RAPGEF5: variants seen among roughly 807,000 people sequenced by gnomAD.
RAPGEF5 encodes the protein Rap guanine nucleotide exchange factor 5, also known as M-Ras-regulated GEF.
In RAPGEF5, 65 loss-of-function variants were observed where a neutral mutation model predicts 125.2. That is an observed-to-expected ratio of 0.52 (90% CI 0.43 to 0.64). The LOEUF (loss-of-function observed/expected upper bound fraction) is 0.64, where lower values mean the gene tolerates loss of function less well. Ranked by LOEUF, RAPGEF5 falls within the 30% of genes least tolerant of loss-of-function variation. RAPGEF5 has a pLI of 0.00. For missense variants in RAPGEF5, 958 were observed against 1,048.1 expected (o/e 0.91, Z 1.19); for synonymous variants, 391 against 385.9 (o/e 1.01, Z -0.16).
intron 8 of RAPGEF5, among the ~76,000 whole-genome samples, chr7:22,224,735 C>T (rs752655348): frequency 1.8e-4 from 27 of 152,030 alleles, no homozygotes; most frequent in Non-Finnish European, 3.8e-4. Context: ...CTCCTTTCAC[C>T]GGCACTGGCT....
intron 4 of RAPGEF5, among the ~76,000 whole-genome samples, chr7:22,308,808 T>C (rs1783404768): frequency 6.6e-6 from 1 of 152,158 alleles, no homozygotes; most frequent in African/African-American, 2.4e-5. Flanking sequence ...AGAAATCTTT[T>C]TTAGTGACCC....
rs563156556 is a variant in RAPGEF5, at chr7:22,217,967, CT to C, written c.996+1898del. 6.9e-3 allele frequency among the ~76,000 whole-genome samples: 1,021 copies of C among 148,938 alleles called. 8 individuals are homozygous for C. The highest frequency in any genetic ancestry group is 0.02 in the African/African-American group (805 of 40,660). ...CAATTATCAGCCCCAATGTAGATTT[CT>C]TTTTTTTTTAATTATACTTTAAGTT... On this transcript the variant is annotated intron_variant, in intron 9 of 25. Transcript: ENST00000665637.
At chr7:22,209,983 CA>C (rs1276978840) in intron 9 of RAPGEF5, among the ~76,000 whole-genome samples, 2 of 152,260 alleles carry the variant, frequency 1.3e-5, no homozygotes, top group South Asian at 4.1e-4. Context: ...AATGCACTTC[CA>C]AAAGAACTAA....
chr7:22,288,540 T>A (rs74600555), intron 6 of RAPGEF5, among the ~76,000 whole-genome samples: 4 of 129,976 alleles, frequency 3.1e-5, no homozygotes, highest in African/African-American at 1.2e-4. Context: ...TTTTTTTTTT[T>A]GAGACGGAGT....
At chr7:22,278,805 C>T (rs2128144232) in intron 6 of RAPGEF5, among the ~76,000 whole-genome samples, 1 of 151,282 alleles carries the variant, frequency 6.6e-6, no homozygotes, top group South Asian at 2.1e-4. Context: ...ACACACACTT[C>T]CATAGAACTT....
chr7:22,154,678 A>G (rs1783744205), intron 16 of RAPGEF5, 74 bp from the exon 17 acceptor site: 1 of 1,506,162 alleles, frequency 6.6e-7, no homozygotes, highest in Non-Finnish European at 9.0e-7. Flanking sequence ...AAATCAAGGC[A>G]CCTTGATCAA....
intron 11 of RAPGEF5, among the ~76,000 whole-genome samples, chr7:22,170,409 G>A (rs753361766): frequency 6.6e-6 from 1 of 152,194 alleles, no homozygotes; most frequent in Non-Finnish European, 1.5e-5. Context: ...GTAGATAGGA[G>A]CCACCAGTGC....
At chr7:22,179,133 A>T (rs905460017) in intron 11 of RAPGEF5, among the ~76,000 whole-genome samples, 1 of 152,200 alleles carries the variant, frequency 6.6e-6, no homozygotes, top group African/African-American at 2.4e-5. Flanking sequence ...ATTTCTTATT[A>T]TGTCACAATA....
At chr7:22,328,756 A>G (rs76499739) in intron 1 of RAPGEF5, among the ~76,000 whole-genome samples, 8,687 of 152,256 alleles carry the variant, frequency 0.057, 310 homozygotes, top group Middle Eastern at 0.11. Flanking sequence ...CCTCCCACCA[A>G]TGACTTATCA....
intron 7 of RAPGEF5, among the ~76,000 whole-genome samples, chr7:22,265,563 G>C (rs765232594): frequency 4.1e-4 from 62 of 152,094 alleles, no homozygotes; most frequent in Non-Finnish European, 8.5e-4. Context: ...AATAAATATG[G>C]GAGTGCAGAT....
intron 23 of RAPGEF5, among the ~76,000 whole-genome samples, chr7:22,133,777 T>C (rs1440164016): frequency 6.6e-6 from 1 of 152,198 alleles, no homozygotes; most frequent in East Asian, 1.9e-4. Context: ...TCCCCAGCAC[T>C]TAGTGTTTCC....
intron 7 of RAPGEF5, 46 bp downstream of exon 7, chr7:22,266,918 C>T (rs1226295228): frequency 3.9e-6 from 6 of 1,549,994 alleles, no homozygotes; most frequent in Non-Finnish European, 4.5e-6. Flanking sequence ...GTGAAATACC[C>T]CCAAAGAATT....
chr7:22,267,252 A>G (rs958933612), intron 6 of RAPGEF5, among the ~76,000 whole-genome samples: 9 of 152,196 alleles, frequency 5.9e-5, no homozygotes, highest in Admixed American at 1.3e-4. Context: ...GCCAGAATGT[A>G]TACATTGTAA....
At chr7:22,355,502 T>C (rs1355961935) in intron 1 of RAPGEF5, among the ~76,000 whole-genome samples, 1 of 152,166 alleles carries the variant, frequency 6.6e-6, no homozygotes, top group Non-Finnish European at 1.5e-5. Flanking sequence ...CGACACCACA[T>C]CTTGGGGACA....
At chr7:22,286,182 G>A (rs977141092) in intron 6 of RAPGEF5, among the ~76,000 whole-genome samples, 1 of 152,118 alleles carries the variant, frequency 6.6e-6, no homozygotes, top group Admixed American at 6.5e-5. Flanking sequence ...CACCACCACC[G>A]GGTTAATGTT....
intron 6 of RAPGEF5, among the ~76,000 whole-genome samples, chr7:22,268,663 A>T (rs1008722260): frequency 1.3e-5 from 2 of 152,318 alleles, no homozygotes; most frequent in East Asian, 3.9e-4. Flanking sequence ...TGTGGCACAC[A>T]CACAGGGAGA....
intron 7 of RAPGEF5, among the ~76,000 whole-genome samples, chr7:22,237,192 C>T (rs1031720811): frequency 6.6e-6 from 1 of 152,184 alleles, no homozygotes; most frequent in Non-Finnish European, 1.5e-5. Context: ...TTCCTCCTAG[C>T]CCAACAAAGC....
At position 22,326,242 on chromosome 7, in the gene RAPGEF5, T is replaced by C. The variant is rs565204695; in HGVS notation, c.232-8205A>G. Among the ~76,000 whole-genome samples the C allele has an allele frequency of 7.9e-5, 12 of 152,322 alleles. No homozygotes were observed. The East Asian group carries it at 2.3e-3, about 29-fold the overall frequency. ...TACTCAACTAGGATATATGAAGAGC[T>C]TCAGAAATGTAGCAGCAGAATGGAC... is the stretch of plus-strand genomic sequence containing the variant. On this transcript the variant is annotated intron_variant, in intron 1 of 25. Transcript: ENST00000665637.
At chr7:22,198,904 G>A (rs1367593210) in intron 9 of RAPGEF5, among the ~76,000 whole-genome samples, 1 of 152,230 alleles carries the variant, frequency 6.6e-6, no homozygotes, top group Non-Finnish European at 1.5e-5. Context: ...GCGAAGCTGA[G>A]ATTGAACCCA....
Sources: allele counts gnomAD v4.1 joint callset (sites outside exome capture counted in the v4.1 genomes callset), GRCh38; gene constraint gnomAD v4.1.1; transcripts MANE v1.5; gene names NCBI Gene and HGNC (gene_info 2026-07-23, HGNC 2026-07-21).